The following WDR88 variants were observed in gnomAD, a reference collection of about 807,000 sequenced individuals.
The protein encoded by WDR88 is WD repeat-containing protein 88.
WDR88 carries 40 observed loss-of-function variants against 46.8 expected under a neutral mutation model. That is an observed-to-expected ratio of 0.86 (90% confidence interval 0.66 to 1.11). The LOEUF (loss-of-function observed/expected upper bound fraction) is 1.11. Ranked by LOEUF, WDR88 falls within the 50% of genes most tolerant of loss-of-function variation. The probability of loss-of-function intolerance (pLI) is 0.00; values close to 1 mark genes in which losing one functional copy is unlikely to be tolerated. For synonymous variants in WDR88, 235 were observed against 240.7 expected, an observed-to-expected ratio of 0.98 and a Z score of 0.22; for missense variants, 562 against 602.4, an observed-to-expected ratio of 0.93 and a Z score of 0.70.
intron 6 of WDR88, among the ~76,000 whole-genome samples, chr19:33,153,229 GT>G (rs35860325): frequency 0.3 from 38,841 of 129,302 alleles, 5,203 homozygotes; most frequent in South Asian, 0.57. Flanking sequence ...TTTTAAGTTT[GT>G]TTTTTTTTTT....
Position 33,164,991 on chromosome 19 carries a change from G to C in WDR88, c.1149+726G>C, listed in dbSNP as rs567539650. Among the ~76,000 whole-genome samples, 8 of 151,794 alleles carry C rather than the reference G, an allele frequency of 5.3e-5. No homozygotes were observed. The South Asian group carries it at 1.7e-3, about 32-fold the overall frequency. ...TCCCATCTGGGGGTGATGGGAGACA[G>C]TGACAGATCATCAGGCATTAGATTC... is the stretch of plus-strand genomic sequence containing the variant. On this transcript the variant is annotated intron_variant, in intron 9 of 10. Coordinates refer to ENST00000355868, the MANE Select transcript of WDR88 (RefSeq NM_173479.4).
intron 1 of WDR88, among the ~76,000 whole-genome samples, chr19:33,135,907 T>C (rs992017786): frequency 1.3e-5 from 2 of 151,944 alleles, no homozygotes; most frequent in African/African-American, 4.8e-5. Context: ...TTTTATTTTT[T>C]AAGACGAAGT....
intron 7 of WDR88, among the ~76,000 whole-genome samples, chr19:33,159,510 CA>C (rs1180728950): frequency 6.6e-6 from 1 of 152,046 alleles, no homozygotes; most frequent in African/African-American, 2.4e-5. Flanking sequence ...GTTGTGAGTT[CA>C]ATGTAAACAA....
intron 9 of WDR88, among the ~76,000 whole-genome samples, chr19:33,167,379 A>G (rs1339759795): frequency 1.3e-5 from 2 of 152,152 alleles, no homozygotes; most frequent in Non-Finnish European, 2.9e-5. Context: ...TATAATAATA[A>G]AAAAACCCAG....
chr19:33,162,266 T>A (rs1244244958), intron 8 of WDR88, among the ~76,000 whole-genome samples: 1 of 152,102 alleles, frequency 6.6e-6, no homozygotes, highest in Admixed American at 6.5e-5. Context: ...AGTGGCATGA[T>A]CTTGGCTCAC....
chr19:33,158,050 T>C (rs914958985), intron 7 of WDR88, among the ~76,000 whole-genome samples: 1 of 151,926 alleles, frequency 6.6e-6, no homozygotes, highest in Non-Finnish European at 1.5e-5. Flanking sequence ...TGTTGCCAGA[T>C]AAAGGGACAT....
intron 9 of WDR88, among the ~76,000 whole-genome samples, chr19:33,167,393 G>A (rs1973970182): frequency 6.6e-6 from 1 of 151,654 alleles, no homozygotes; most frequent in Non-Finnish European, 1.5e-5. Flanking sequence ...AACCCAGAAA[G>A]CTAGGAATAA....
At chr19:33,143,841 G>A (rs1973453536) in intron 2 of WDR88, among the ~76,000 whole-genome samples, 2 of 152,004 alleles carry the variant, frequency 1.3e-5, no homozygotes, top group Non-Finnish European at 2.9e-5. Context: ...ATGAAACTGG[G>A]ACTGTACCAA....
rs756339559 is a variant in WDR88, at chr19:33,156,416, A to G, written c.871A>G (p.Ser291Gly). 1 of 1,614,180 alleles carries G rather than the reference A, an allele frequency of 6.2e-7. No individual in the cohort carries two copies. The highest frequency in any genetic ancestry group is 8.5e-7 in the Non-Finnish European group (1 of 1,180,030). The change falls in exon 7 of 11, where the codon AGC becomes GGC. Residue 291 changes from serine to glycine, a missense_variant. Transcript: ENST00000355868. The stretch of plus-strand genomic sequence containing the variant: ...CTTCAGTGGCCATTTCCTGTGTACA[A>G]GCTCCTGGGATAAAAACTTAAAAAT... ...FTFSGHFLCT[S>G]SWDKNLKIWN...
At position 33,132,116 on chromosome 19, in the gene WDR88, C is replaced by G; in HGVS notation, c.-54C>G. The G allele has an allele frequency of 2.0e-6, 3 of 1,479,120 alleles. No homozygotes were observed. Among genetic ancestry groups the G allele is most frequent in the Non-Finnish European group, 2.7e-6 (3 of 1,120,866 alleles). 91.6% of individuals were successfully genotyped at this position (1,479,120 alleles called of 1,614,324 possible). ...TGCGGGCGCGGGCGCGGGCGCGCGG[C>G]GCCACCGTTCCCATCCAGGCTTGTC... On this transcript the variant is annotated 5_prime_UTR_variant, in exon 1 of 11. Transcript: ENST00000355868.
At chr19:33,150,827 C>T (rs1313181676) in intron 5 of WDR88, among the ~76,000 whole-genome samples, 2 of 152,156 alleles carry the variant, frequency 1.3e-5, no homozygotes, top group Non-Finnish European at 2.9e-5. Context: ...TTCTGCTTCC[C>T]TTGCTGGCTT....
intron 8 of WDR88, among the ~76,000 whole-genome samples, chr19:33,163,585 C>T (rs1973906264): frequency 6.6e-6 from 1 of 151,858 alleles, no homozygotes; most frequent in African/African-American, 2.4e-5. Context: ...CTTTGTATTC[C>T]ACCCTAAATG....
At chr19:33,147,365 G>A (rs1477184817) in intron 3 of WDR88, among the ~76,000 whole-genome samples, 1 of 152,186 alleles carries the variant, frequency 6.6e-6, no homozygotes, top group Non-Finnish European at 1.5e-5. Context: ...CACTTTGGGA[G>A]GCCGAGGCAG....
chr19:33,152,517 T>C (rs187231907), intron 6 of WDR88, among the ~76,000 whole-genome samples: 1,524 of 152,298 alleles, frequency 0.01, 13 homozygotes, highest in Non-Finnish European at 0.016. Flanking sequence ...ACATTATTTG[T>C]CCTCTTGTGA....
intron 7 of WDR88, among the ~76,000 whole-genome samples, chr19:33,158,996 G>C (rs1316457090): frequency 6.6e-6 from 1 of 151,982 alleles, no homozygotes; most frequent in Non-Finnish European, 1.5e-5. Flanking sequence ...CACCACACCT[G>C]GGCTTTCTTT....
intron 1 of WDR88, among the ~76,000 whole-genome samples, chr19:33,135,978 C>G (rs1973257584): frequency 6.6e-6 from 1 of 152,080 alleles, no homozygotes; most frequent in African/African-American, 2.4e-5. Flanking sequence ...CAGCCTCTAC[C>G]TCCCAGGTTC....
chr19:33,153,550 C>T (rs1486058388), intron 6 of WDR88, among the ~76,000 whole-genome samples: 2 of 152,024 alleles, frequency 1.3e-5, no homozygotes, highest in Admixed American at 6.6e-5. Flanking sequence ...ATATCATTTG[C>T]AGGGTGCAAT....
In WDR88 at chr19:33,142,878, A is replaced by AAAG. The variant is rs1555724548; in HGVS notation, c.388-1965_388-1963dup. 1.4e-3 allele frequency: 194 copies of AAAG among 142,964 alleles called. 7 individuals carry two copies. The highest frequency in any genetic ancestry group is 5.0e-3 in the African/African-American group (184 of 36,872). The allele number at this position is 142,964 out of a possible 1,614,324, so 8.9% of individuals were successfully genotyped here. A position where few individuals can be genotyped will look rare whatever the true frequency, so the allele number is the denominator to read the frequency against. ...AAAAAAAAAAAAAAAAAAAAAAAAA[A>AAAG]AAGGCCGGGGGGCGGGAATAACGTG... On this transcript the variant is annotated intron_variant, in intron 2 of 10. Coordinates refer to ENST00000355868, the MANE Select transcript of WDR88 (RefSeq NM_173479.4).
intron 8 of WDR88, among the ~76,000 whole-genome samples, chr19:33,162,598 G>T (rs1973887535): frequency 1.3e-5 from 2 of 152,082 alleles, no homozygotes; most frequent in Admixed American, 6.6e-5. Context: ...GTTATTGGAA[G>T]CGAAAAGCCC....
Sources: allele counts gnomAD v4.1 joint callset (sites outside exome capture counted in the v4.1 genomes callset), GRCh38; gene constraint gnomAD v4.1.1; transcripts MANE v1.5; gene names NCBI Gene and HGNC (gene_info 2026-07-23, HGNC 2026-07-21).